Variants in RGS6 observed in about 807,000 individuals in gnomAD.
RGS6 encodes regulator of G-protein signaling 6.
RGS6 carries 30 observed loss-of-function variants against 78.5 expected under a neutral mutation model. The observed-to-expected ratio is 0.38, with a 90% CI of 0.29 to 0.52. The LOEUF is 0.52. Among genes scored for constraint, RGS6 ranks in the 20% least tolerant of loss-of-function variants. RGS6 has a pLI of 0.85. For missense variants in RGS6, 495 were observed against 609.7 expected (o/e 0.81, Z 1.98); for synonymous variants, 206 against 206.0 (o/e 1.00, Z 0.00).
chr14:71,883,616 A>G, the RGS6 span, among the ~76,000 whole-genome samples: 21 of 152,342 alleles, frequency 1.4e-4, no homozygotes, highest in East Asian at 4.0e-3. Flanking sequence ...TCGCAGGATG[A>G]GAGAGGAGGT....
At chr14:71,959,433 G>A (rs950106083) in intron 1 of RGS6, among the ~76,000 whole-genome samples, 3 of 152,148 alleles carry the variant, frequency 2.0e-5, no homozygotes, top group Non-Finnish European at 4.4e-5. Context: ...TTATTTGGCA[G>A]CATAAATATT....
intron 2 of RGS6, among the ~76,000 whole-genome samples, chr14:72,327,101 AG>A (rs1166843377): frequency 1.3e-5 from 2 of 152,236 alleles, no homozygotes; most frequent in Admixed American, 1.3e-4. Context: ...TTAAATGGCC[AG>A]GGTTGGTGAT....
chr14:72,028,562 A>G (rs2090315080), intron 2 of RGS6, among the ~76,000 whole-genome samples: 1 of 152,252 alleles, frequency 6.6e-6, no homozygotes, highest in Admixed American at 6.5e-5. Context: ...GTAGAGAAAT[A>G]TCCTCATGGT....
rs548217980 is a variant in RGS6, at chr14:72,492,522, C to G, written c.855-2630C>G. On this transcript the variant is annotated intron_variant, in intron 12 of 17. Coordinates refer to ENST00000553525, the MANE Select transcript of RGS6 (RefSeq NM_001204424.2). Reference sequence around the variant, plus strand: ...TTCTAGTTTCTATGACCCACTTTGGCGAAAAAGAATTCTTGTTTCTATGAC... The same window carrying G: ...TTCTAGTTTCTATGACCCACTTTGGGGAAAAAGAATTCTTGTTTCTATGAC... Among the ~76,000 whole-genome samples, 189 of 152,042 alleles carry G rather than the reference C, an allele frequency of 1.2e-3. 1 individual carries two copies. Among genetic ancestry groups the G allele is most frequent in the African/African-American group, 3.5e-3 (144 of 41,466 alleles).
At chr14:72,206,663 C>G (rs1311400973) in intron 2 of RGS6, among the ~76,000 whole-genome samples, 2 of 152,072 alleles carry the variant, frequency 1.3e-5, no homozygotes, top group Non-Finnish European at 2.9e-5. Flanking sequence ...GAGAGTTTGT[C>G]CAGGGAAACA....
intron 2 of RGS6, among the ~76,000 whole-genome samples, chr14:72,031,943 A>G (rs1164287317): frequency 2.0e-5 from 3 of 152,180 alleles, no homozygotes; most frequent in Non-Finnish European, 4.4e-5. Flanking sequence ...GTTTATTAAT[A>G]ATGCTGAAAT....
intron 2 of RGS6, among the ~76,000 whole-genome samples, chr14:72,350,693 C>G (rs1182252624): frequency 6.6e-6 from 1 of 152,200 alleles, no homozygotes; most frequent in African/African-American, 2.4e-5. Flanking sequence ...TGTAGCATGA[C>G]AGAGAAATAA....
In RGS6 at chr14:72,534,543, A is replaced by T. The variant is rs532201363; in HGVS notation, c.1279-1643A>T. On this transcript the variant is annotated intron_variant, in intron 15 of 17. Transcript: ENST00000553525. ...TGACAGGATTTCCTTCTTTGTTAAG[A>T]CCAAATAGTATTCCATTATGCCTAT... Among the ~76,000 whole-genome samples the T allele has an allele frequency of 2.6e-5, 4 of 152,326 alleles. No individual in the cohort carries two copies. The South Asian group carries it at 8.3e-4, about 32-fold the overall frequency.
Position 72,562,980 on chromosome 14 carries a change from G to C in RGS6, c.*513G>C. Reference sequence around the variant, plus strand: ...GCCGCCTGTCATCCCTCACGTCTCTGTGGCCACCCGGGTGTCACTGCCAGC... The same window carrying C: ...GCCGCCTGTCATCCCTCACGTCTCTCTGGCCACCCGGGTGTCACTGCCAGC... On this transcript the variant is annotated 3_prime_UTR_variant, in exon 18 of 18. Transcript: ENST00000553525. 1 of 591,298 alleles carries C rather than the reference G, an allele frequency of 1.7e-6. No homozygotes were observed. Among genetic ancestry groups the C allele is most frequent in the Non-Finnish European group, 3.0e-6 (1 of 329,168 alleles). The allele number at this position is 591,298 out of a possible 1,614,324, so 36.6% of individuals were successfully genotyped here.
intron 1 of RGS6, among the ~76,000 whole-genome samples, chr14:71,958,758 G>A (rs891624532): frequency 1.3e-5 from 2 of 152,136 alleles, no homozygotes; most frequent in East Asian, 1.9e-4. Flanking sequence ...CTAGGTCAGC[G>A]GTTTCCAAAC....
chr14:72,337,503 C>A (rs535727855), intron 2 of RGS6, among the ~76,000 whole-genome samples: 1 of 152,204 alleles, frequency 6.6e-6, no homozygotes, highest in Non-Finnish European at 1.5e-5. Context: ...TCTCTCATTT[C>A]TCCTGATGAC....
At chr14:72,540,906 G>C (rs2097316814) in intron 17 of RGS6, 4 of 985,338 alleles carry the variant, frequency 4.1e-6, no homozygotes, top group Non-Finnish European at 4.8e-6. Context: ...CAACAGGTGG[G>C]AGTGGGGAGT....
intron 2 of RGS6, among the ~76,000 whole-genome samples, chr14:72,243,943 A>G (rs1049649755): frequency 2.0e-5 from 3 of 152,198 alleles, no homozygotes; most frequent in Admixed American, 1.3e-4. Flanking sequence ...GGTTTGCTAG[A>G]GCTTTACTTT....
At chr14:72,352,051 C>T (rs762170496) in intron 2 of RGS6, 44 bp from the exon 3 acceptor site, 12 of 1,426,316 alleles carry the variant, frequency 8.4e-6, no homozygotes, top group Middle Eastern at 1.8e-4. Context: ...TTTATAATTA[C>T]ATTATGGGAG....
intron 3 of RGS6, among the ~76,000 whole-genome samples, chr14:72,435,843 C>G (rs762009672): frequency 4.2e-5 from 6 of 143,846 alleles, no homozygotes; most frequent in Non-Finnish European, 7.5e-5. Flanking sequence ...TTAGATAGAA[C>G]CCACATGGAT....
At chr14:72,011,880 G>T (rs2085826641) in intron 2 of RGS6, among the ~76,000 whole-genome samples, 1 of 151,938 alleles carries the variant, frequency 6.6e-6, no homozygotes, top group African/African-American at 2.4e-5. Flanking sequence ...TGTTTCTCAG[G>T]GTTTGTGGAT....
At chr14:72,399,759 G>A (rs1010461255) in intron 3 of RGS6, among the ~76,000 whole-genome samples, 17 of 152,138 alleles carry the variant, frequency 1.1e-4, no homozygotes, top group Non-Finnish European at 2.2e-4. Flanking sequence ...TTGCTTGTCT[G>A]TAAAGTATTT....
chr14:72,556,624 G>GTGT (rs35758373), intron 17 of RGS6, among the ~76,000 whole-genome samples: 30,725 of 130,036 alleles, frequency 0.24, 4,255 homozygotes, highest in African/African-American at 0.43. Context: ...CAGAGCCTGA[G>GTGT]TGTTTACACC....
At chr14:72,490,714 A>C (rs1401950780) in intron 12 of RGS6, among the ~76,000 whole-genome samples, 2 of 152,216 alleles carry the variant, frequency 1.3e-5, no homozygotes, top group African/African-American at 4.8e-5. Context: ...CTTCTACCCC[A>C]GGGGTCATGA....
Sources: gnomAD v4.1 joint callset for allele counts (sites outside exome capture counted in the v4.1 genomes callset) on GRCh38, gnomAD v4.1.1 for gene constraint, MANE v1.5 for transcripts, NCBI Gene and HGNC (gene_info 2026-07-23, HGNC 2026-07-21) for gene names.